Variants in RAB3C observed in about 807,000 individuals in gnomAD.
RAB3C encodes the protein ras-related protein Rab-3C.
Under a neutral mutation model 26.4 loss-of-function variants are expected in RAB3C, and 17 were observed. The ratio of observed to expected loss-of-function variants is 0.64; its 90% CI spans 0.44 to 0.97. The LOEUF is 0.97. Ranked by LOEUF, RAB3C falls within the 50% of genes least tolerant of loss-of-function variation. RAB3C has a pLI of 0.00. For synonymous variants in RAB3C, 91 were observed against 95.9 expected (o/e 0.95, Z 0.30); for missense variants, 242 against 281.9 (o/e 0.86, Z 1.01).
At chr5:58,797,018 C>T (rs1019128943) in intron 3 of RAB3C, among the ~76,000 whole-genome samples, 1 of 151,774 alleles carries the variant, frequency 6.6e-6, no homozygotes, top group African/African-American at 2.4e-5. Flanking sequence ...CACACACCTA[C>T]CTTCCCTCAT....
rs151107961 is a variant in RAB3C, at chr5:58,765,567, CAT to C, written c.371+39448_371+39449del. Among the ~76,000 whole-genome samples the C allele has an allele frequency of 9.3e-3, 1,411 of 152,252 alleles. 33 individuals are homozygous for C. Among genetic ancestry groups the C allele is most frequent in the African/African-American group, 0.033 (1,361 of 41,522 alleles). ...CTTTTTATAAGTAAATATATAATCA[CAT>C]GTGAATGGAATCATATTAAGCATAT... is the stretch of plus-strand genomic sequence containing the variant. On this transcript the variant is annotated intron_variant, in intron 3 of 4. Transcript: ENST00000282878.
At chr5:58,597,161 T>TATATAATAATATATAATAATATATA in intron 1 of RAB3C, among the ~76,000 whole-genome samples, 2 of 75,288 alleles carry the variant, frequency 2.7e-5, no homozygotes, top group Non-Finnish European at 5.0e-5. Context: ...TAATATATAT[T>TATATAATAATATATAATAATATATA]ATATAATAAT....
At chr5:58,650,278 A>ATT (rs758118946) in intron 2 of RAB3C, among the ~76,000 whole-genome samples, 54 of 152,128 alleles carry the variant, frequency 3.5e-4, no homozygotes, top group Non-Finnish European at 5.3e-4. Context: ...CAAGATATAT[A>ATT]TTTGGGGCTA....
At chr5:58,681,572 G>C (rs907173410) in intron 2 of RAB3C, among the ~76,000 whole-genome samples, 1 of 152,164 alleles carries the variant, frequency 6.6e-6, no homozygotes, top group Non-Finnish European at 1.5e-5. Context: ...TTACCTGCAG[G>C]AATAAGTTTA....
At chr5:58,691,070 C>T in intron 2 of RAB3C, among the ~76,000 whole-genome samples, 1 of 151,700 alleles carries the variant, frequency 6.6e-6, no homozygotes, top group East Asian at 1.9e-4. Flanking sequence ...AAAACACATA[C>T]ATTATGATAG....
intron 3 of RAB3C, among the ~76,000 whole-genome samples, chr5:58,787,946 T>C (rs1198186587): frequency 6.6e-6 from 1 of 152,176 alleles, no homozygotes; most frequent in Non-Finnish European, 1.5e-5. Context: ...AAGACTTTTC[T>C]TTTTTTCAAG....
At chr5:58,667,192 G>A (rs1315947358) in intron 2 of RAB3C, among the ~76,000 whole-genome samples, 2 of 152,144 alleles carry the variant, frequency 1.3e-5, no homozygotes, top group Non-Finnish European at 2.9e-5. Flanking sequence ...GCCTTACTGA[G>A]CTTGGCAATT....
chr5:58,612,414 G>C (rs536739118), intron 1 of RAB3C, among the ~76,000 whole-genome samples: 2 of 150,636 alleles, frequency 1.3e-5, no homozygotes, highest in South Asian at 2.1e-4. Context: ...TCTTTGAGCA[G>C]TGTTTTGTAG....
intron 1 of RAB3C, among the ~76,000 whole-genome samples, chr5:58,599,830 A>G (rs1413539118): frequency 1.3e-5 from 2 of 151,468 alleles, no homozygotes; most frequent in Non-Finnish European, 2.9e-5. Context: ...GTTCCTTTTG[A>G]TGTGCAAAAG....
At chr5:58,722,017 C>T (rs1740781429) in intron 2 of RAB3C, among the ~76,000 whole-genome samples, 1 of 151,538 alleles carries the variant, frequency 6.6e-6, no homozygotes, top group Non-Finnish European at 1.5e-5. Flanking sequence ...TGGGTTCTAA[C>T]AGTTTCCTGT....
intron 2 of RAB3C, among the ~76,000 whole-genome samples, chr5:58,681,065 T>G (rs1401018525): frequency 6.6e-6 from 1 of 152,190 alleles, no homozygotes; most frequent in Middle Eastern, 3.2e-3. Flanking sequence ...AATAGAGAAC[T>G]GATTATGTTC....
chr5:58,745,225 A>G (rs987211834), intron 3 of RAB3C, among the ~76,000 whole-genome samples: 6 of 151,620 alleles, frequency 4.0e-5, no homozygotes, highest in African/African-American at 4.8e-5. Context: ...GTGAAACCCC[A>G]TCTCTACTAA....
At chr5:58,753,254 T>C (rs1333039309) in intron 3 of RAB3C, among the ~76,000 whole-genome samples, 2 of 152,234 alleles carry the variant, frequency 1.3e-5, no homozygotes, top group African/African-American at 2.4e-5. Flanking sequence ...TTTCTCTATG[T>C]AGAGGCATTA....
At chr5:58,808,224 CAA>C (rs773339041) in intron 3 of RAB3C, among the ~76,000 whole-genome samples, 11 of 63,624 alleles carry the variant, frequency 1.7e-4, no homozygotes, top group Admixed American at 3.7e-4. Context: ...GACTCCGTCT[CAA>C]AAAAAAAAAA....
At chr5:58,847,984 G>C (rs545496611) in intron 4 of RAB3C, among the ~76,000 whole-genome samples, 17 of 152,108 alleles carry the variant, frequency 1.1e-4, no homozygotes, top group African/African-American at 4.1e-4. Flanking sequence ...AGCCTCCTGA[G>C]TAGCTGGGAC....
chr5:58,849,228 GA>G (rs1744064165), intron 4 of RAB3C, among the ~76,000 whole-genome samples: 1 of 152,162 alleles, frequency 6.6e-6, no homozygotes, highest in Admixed American at 6.5e-5. Flanking sequence ...TGAAAAAATT[GA>G]ACTTGTAAAT....
At chr5:58,672,208 T>A (rs1314246189) in intron 2 of RAB3C, among the ~76,000 whole-genome samples, 2 of 152,116 alleles carry the variant, frequency 1.3e-5, no homozygotes, top group African/African-American at 4.8e-5. Context: ...GAGTATGATG[T>A]CTCTCTTTGG....
intron 3 of RAB3C, among the ~76,000 whole-genome samples, chr5:58,763,675 C>T (rs1249114002): frequency 1.3e-5 from 2 of 152,190 alleles, no homozygotes; most frequent in African/African-American, 2.4e-5. Flanking sequence ...AGAAGCAGTT[C>T]CCCCTTCCCT....
chr5:58,763,277 T>C (rs1414140303), intron 3 of RAB3C, among the ~76,000 whole-genome samples: 1 of 152,208 alleles, frequency 6.6e-6, no homozygotes, highest in East Asian at 1.9e-4. Flanking sequence ...TATAAGCATC[T>C]AGTTTAAGCT....
Sources: allele counts gnomAD v4.1 joint callset (sites outside exome capture counted in the v4.1 genomes callset), GRCh38; gene constraint gnomAD v4.1.1; transcripts MANE v1.5; gene names NCBI Gene and HGNC (gene_info 2026-07-23, HGNC 2026-07-21).